The following ADAMTSL3 variants were observed in gnomAD, a reference collection of about 807,000 sequenced individuals.
ADAMTSL3 encodes the protein ADAMTS like 3.
A neutral mutation model predicts 201.7 loss-of-function variants in ADAMTSL3; 128 were observed. That is an observed-to-expected ratio of 0.63 (90% CI 0.55 to 0.73). ADAMTSL3 has a LOEUF of 0.73. ADAMTSL3 is among the 30% of genes least tolerant of loss of function. The probability of loss-of-function intolerance (pLI) is 0.00; values close to 1 mark genes in which losing one functional copy is unlikely to be tolerated. For missense variants in ADAMTSL3, 1,990 were observed against 2,119.6 expected, an observed-to-expected ratio of 0.94 and a Z score of 1.20; for synonymous variants, 738 against 748.4, an observed-to-expected ratio of 0.99 and a Z score of 0.23.
chr15:83,823,967 CTTCTT>C lies in ADAMTSL3; in HGVS notation c.600+3921_600+3925del, dbSNP rs1567169999. On this transcript the variant is annotated intron_variant, in intron 6 of 29. Transcript: ENST00000286744. ...TCTTCTTCTTCTTCTTCTTCTTCTT[CTTCTT>C]CTCCTCCTCCTCCTCCTCCTTCTCC... 9.4e-3 allele frequency among the ~76,000 whole-genome samples: 766 copies of C among 81,736 alleles called. 1 individual carries two copies. The highest frequency in any genetic ancestry group is 0.011 in the Non-Finnish European group (350 of 32,934). The allele number at this position is 81,736 out of a possible 152,430, so 53.6% of individuals were successfully genotyped here.
intron 15 of ADAMTSL3, among the ~76,000 whole-genome samples, chr15:83,910,798 C>T (rs891989089): frequency 6.7e-6 from 1 of 150,040 alleles, no homozygotes; most frequent in African/African-American, 2.4e-5. Context: ...CCATGACTGG[C>T]TAATTTTTTT....
At chr15:83,973,335 A>G (rs1353614511) in intron 20 of ADAMTSL3, among the ~76,000 whole-genome samples, 1 of 152,102 alleles carries the variant, frequency 6.6e-6, no homozygotes, top group Non-Finnish European at 1.5e-5. Context: ...CTGCTCTTGC[A>G]CTAGAAACCT....
chr15:83,960,549 G>A (rs1482952542), intron 19 of ADAMTSL3, among the ~76,000 whole-genome samples: 2 of 152,168 alleles, frequency 1.3e-5, no homozygotes, highest in African/African-American at 4.8e-5. Flanking sequence ...ACCATGATGG[G>A]AGACATAGCT....
At chr15:83,886,519 G>C (rs1292653390) in intron 10 of ADAMTSL3, among the ~76,000 whole-genome samples, 2 of 152,172 alleles carry the variant, frequency 1.3e-5, no homozygotes, top group African/African-American at 4.8e-5. Context: ...TGCCAGGTCT[G>C]CTTGATGTCA....
At chr15:83,737,423 C>G (rs977241977) in intron 3 of ADAMTSL3, among the ~76,000 whole-genome samples, 1 of 152,162 alleles carries the variant, frequency 6.6e-6, no homozygotes, top group Non-Finnish European at 1.5e-5. Context: ...GGTCTCATGA[C>G]AGTGAGTTCT....
intron 9 of ADAMTSL3, among the ~76,000 whole-genome samples, chr15:83,874,183 G>A (rs749309034): frequency 3.9e-5 from 5 of 126,970 alleles, no homozygotes; most frequent in South Asian, 4.4e-4. Context: ...AGCGGGCAGC[G>A]AGCCATGAAA....
intron 2 of ADAMTSL3, among the ~76,000 whole-genome samples, chr15:83,659,447 G>T (rs1001621890): frequency 6.6e-6 from 1 of 152,224 alleles, no homozygotes; most frequent in African/African-American, 2.4e-5. Flanking sequence ...GAGGCTGGAG[G>T]CTAGTGTAGA....
intron 2 of ADAMTSL3, among the ~76,000 whole-genome samples, chr15:83,700,188 G>T (rs1053127075): frequency 6.6e-6 from 1 of 152,186 alleles, no homozygotes; most frequent in East Asian, 1.9e-4. Flanking sequence ...TTAAGGTGGC[G>T]ATCTTTGACT....
At chr15:83,934,898 A>G (rs2066433877) in intron 17 of ADAMTSL3, among the ~76,000 whole-genome samples, 1 of 152,240 alleles carries the variant, frequency 6.6e-6, no homozygotes, top group Non-Finnish European at 1.5e-5. Flanking sequence ...TTTTGCAGCA[A>G]CATGGATGCA....
At chr15:84,029,688 T>A (rs2068369719) in intron 27 of ADAMTSL3, among the ~76,000 whole-genome samples, 2 of 152,114 alleles carry the variant, frequency 1.3e-5, no homozygotes. Context: ...GAAATTTGCA[T>A]AAGGAATGAG....
rs2064796624 is a variant in ADAMTSL3 at position 83,858,848 on chromosome 15, G to A, written c.802+8G>A. 8.2e-6 allele frequency: 13 copies of A among 1,590,918 alleles called. No individual in the cohort carries two copies. The highest frequency in any genetic ancestry group is 1.1e-5 in the Non-Finnish European group (13 of 1,168,806). On this transcript the variant is annotated splice_region_variant and intron_variant, in intron 8 of 29. Transcript: ENST00000286744. ...AAGGACCTGCCCACCTCTGTAAGTA[G>A]AATTTAATCTTAACATTTTTTAATA...
intron 17 of ADAMTSL3, among the ~76,000 whole-genome samples, chr15:83,935,913 A>T (rs1325320220): frequency 6.6e-6 from 1 of 152,102 alleles, no homozygotes; most frequent in Non-Finnish European, 1.5e-5. Context: ...ATAGGTAATC[A>T]ATAAATATTT....
intron 19 of ADAMTSL3, among the ~76,000 whole-genome samples, chr15:83,956,471 A>G (rs1459082053): frequency 6.6e-6 from 1 of 152,164 alleles, no homozygotes; most frequent in Non-Finnish European, 1.5e-5. Flanking sequence ...TAGTGGGAGT[A>G]GGGGGATGAT....
At chr15:83,904,605 G>A (rs1331634942) in intron 15 of ADAMTSL3, among the ~76,000 whole-genome samples, 1 of 152,168 alleles carries the variant, frequency 6.6e-6, no homozygotes, top group East Asian at 1.9e-4. Context: ...AAATTATAGT[G>A]TATAAATCTA....
At chr15:84,007,896 C>T (rs962616813) in intron 23 of ADAMTSL3, among the ~76,000 whole-genome samples, 1 of 152,204 alleles carries the variant, frequency 6.6e-6, no homozygotes. Flanking sequence ...CTGGACTCCA[C>T]TTCCCTCTCC....
intron 27 of ADAMTSL3, 156 bp downstream of exon 27, chr15:84,025,592 AT>A: frequency 1.4e-6 from 1 of 726,778 alleles, no homozygotes; most frequent in Non-Finnish European, 2.2e-6. Flanking sequence ...CAAGGTTTAC[AT>A]TTAGAAATCA....
intron 17 of ADAMTSL3, among the ~76,000 whole-genome samples, chr15:83,924,635 G>C (rs996592143): frequency 1.3e-5 from 2 of 152,122 alleles, no homozygotes; most frequent in Non-Finnish European, 2.9e-5. Context: ...TTAAGTCCTG[G>C]TAAGATCCTG....
At position 83,949,241 on chromosome 15, in the gene ADAMTSL3, A is replaced by G. The variant is rs2066714558; in HGVS notation, c.2490+6159A>G. Among the ~76,000 whole-genome samples the G allele has an allele frequency of 3.3e-5, 5 of 152,148 alleles. No homozygotes were observed. In the South Asian group the frequency reaches 1.0e-3, roughly 31 times the overall value. ...TTATTTTAATTTTTAGCTCCCACAA[A>G]TAAGTGAGAACATGTGATGTTTGTC... On this transcript the variant is annotated intron_variant, in intron 19 of 29. Coordinates refer to ENST00000286744, the MANE Select transcript of ADAMTSL3 (RefSeq NM_207517.3).
rs2067574057 is a variant in ADAMTSL3 at position 83,991,111 on chromosome 15, A to G, written c.3870A>G (p.Glu1290=). 2 of 1,614,094 alleles carry G rather than the reference A, an allele frequency of 1.2e-6. No individual in the cohort carries two copies. Among genetic ancestry groups the G allele is most frequent in the Middle Eastern group, 1.6e-4 (1 of 6,084 alleles). ...AGGCACCTGTCATCTTGTCTGTTGA[A>G]AGAAATATCACCAAACCAGAGCACA... is the stretch of plus-strand genomic sequence containing the variant. ...YAEAPVILSV[E]RNITKPEHNH... is the part of the protein sequence containing the mutation. The change falls in exon 23 of 30, where the codon GAA becomes GAG. Residue 1290 remains glutamate, a synonymous_variant. Coordinates refer to ENST00000286744, the MANE Select transcript of ADAMTSL3 (RefSeq NM_207517.3).
Sources: gnomAD v4.1 joint callset for allele counts (sites outside exome capture counted in the v4.1 genomes callset) on GRCh38, gnomAD v4.1.1 for gene constraint, MANE v1.5 for transcripts, NCBI Gene and HGNC (gene_info 2026-07-23, HGNC 2026-07-21) for gene names.